The following ME2 variants were observed in gnomAD, a reference collection of about 807,000 sequenced individuals.
ME2 encodes malic enzyme 2.
A neutral mutation model predicts 73.7 loss-of-function variants in ME2; 60 were observed. The ratio of observed to expected loss-of-function variants is 0.81; its 90% confidence interval spans 0.66 to 1.01. The LOEUF is 1.01. Ranked by LOEUF, ME2 falls within the 50% of genes least tolerant of loss-of-function variation. The pLI, the probability that ME2 is intolerant of heterozygous loss-of-function variation, is 0.00. For synonymous variants in ME2, 199 were observed against 236.9 expected (o/e 0.84, Z 1.47); for missense variants, 594 against 705.5 (o/e 0.84, Z 1.79).
intron 1 of ME2, among the ~76,000 whole-genome samples, chr18:50,895,067 A>G (rs1487358476): frequency 2.6e-5 from 4 of 152,066 alleles, no homozygotes; most frequent in Non-Finnish European, 4.4e-5. Context: ...AATAATTACA[A>G]TGATTTGTAA....
chr18:50,931,533 T>C (rs759124246), intron 12 of ME2, among the ~76,000 whole-genome samples: 3 of 152,200 alleles, frequency 2.0e-5, no homozygotes, highest in Non-Finnish European at 2.9e-5. Flanking sequence ...TATAAAGCAC[T>C]TGGTAATTAG....
chr18:50,940,413 ATT>A (rs770358045), intron 15 of ME2, 27 bp downstream of exon 15: 2 of 1,293,134 alleles, frequency 1.5e-6, no homozygotes, highest in Admixed American at 4.1e-5. Context: ...ACTTCTTCAC[ATT>A]AATTTTAATG....
intron 3 of ME2, among the ~76,000 whole-genome samples, chr18:50,910,192 G>A (rs1599102404): frequency 6.7e-6 from 1 of 148,798 alleles, no homozygotes; most frequent in East Asian, 2.0e-4. Flanking sequence ...AGCATTTTGG[G>A]AGGTCAAGGT....
chr18:50,896,848 C>T (rs1916758244), intron 2 of ME2, among the ~76,000 whole-genome samples: 1 of 152,150 alleles, frequency 6.6e-6, no homozygotes. Flanking sequence ...ACACAGAGCA[C>T]CTCACCTTTG....
chr18:50,921,316 CTCTTTTCAACAGA>C, intron 10 of ME2, 129 bp downstream of exon 10: 1 of 516,762 alleles, frequency 1.9e-6, no homozygotes, highest in Non-Finnish European at 3.4e-6. Context: ...ACCTTCCACT[CTCTTTTCAACAGA>C]TGTCCCTAGT....
chr18:50,922,837 G>A (rs923094883), intron 10 of ME2, among the ~76,000 whole-genome samples: 1 of 152,072 alleles, frequency 6.6e-6, no homozygotes, highest in Non-Finnish European at 1.5e-5. Flanking sequence ...GCTCAGCCTG[G>A]TTTTCTCAGC....
chr18:50,930,160 T>C (rs1300735946), intron 12 of ME2, among the ~76,000 whole-genome samples: 3 of 152,118 alleles, frequency 2.0e-5, no homozygotes, highest in South Asian at 4.2e-4. Context: ...CTTGGGAGGC[T>C]GAGGTGGGAG....
intron 2 of ME2, among the ~76,000 whole-genome samples, chr18:50,896,545 C>T (rs541510319): frequency 9.2e-5 from 14 of 152,254 alleles, no homozygotes; most frequent in Admixed American, 2.6e-4. Context: ...GGACAAGTGC[C>T]TGCCTGTTTT....
rs758910783 is a variant in ME2, at chr18:50,921,120, A to G, written c.989A>G (p.Asn330Ser). 1 of 1,603,624 alleles carries G rather than the reference A, an allele frequency of 6.2e-7. No individual in the cohort carries two copies. Among genetic ancestry groups the G allele is most frequent in the Non-Finnish European group, 8.5e-7 (1 of 1,175,514 alleles). The stretch of plus-strand genomic sequence containing the variant: ...CTTATAGTTATGTCTATGGTAGAAA[A>G]TGGCCTGTCAGAACAAGAGGCACAA... ...ANLIVMSMVE[N>S]GLSEQEAQKK... The change falls in exon 10 of 16, where the codon AAT becomes AGT. Residue 330 changes from asparagine (N) to serine (S), a missense_variant. Transcript: ENST00000321341.
intron 12 of ME2, among the ~76,000 whole-genome samples, chr18:50,926,409 CTT>C (rs1231827951): frequency 4.6e-5 from 7 of 152,062 alleles, no homozygotes; most frequent in Non-Finnish European, 7.4e-5. Context: ...TGTTTTCTGA[CTT>C]TTGTTTTCTT....
At chr18:50,910,298 G>T (rs1255480322) in intron 3 of ME2, among the ~76,000 whole-genome samples, 1 of 143,580 alleles carries the variant, frequency 7.0e-6, no homozygotes, top group Non-Finnish European at 1.5e-5. Context: ...AAAAAGCCAG[G>T]CATGGTGTCG....
chr18:50,921,335 C>A, intron 10 of ME2, 148 bp downstream of exon 10: 1 of 506,588 alleles, frequency 2.0e-6, no homozygotes, highest in Non-Finnish European at 3.4e-6. Context: ...ACAGATGTCC[C>A]TAGTCTTGTT....
chr18:50,939,851 A>G (rs1917906158), intron 14 of ME2: 2 of 520,592 alleles, frequency 3.8e-6, no homozygotes, highest in Non-Finnish European at 6.9e-6. Flanking sequence ...TCTCGTTTTA[A>G]TAACACTTAG....
intron 9 of ME2, 87 bp downstream of exon 9, chr18:50,920,845 C>T: frequency 1.0e-6 from 1 of 994,994 alleles, no homozygotes; most frequent in Non-Finnish European, 1.5e-6. Context: ...TATGAAAGAG[C>T]ATAGTGAGCC....
At chr18:50,941,237 G>A (rs1420561479) in intron 15 of ME2, among the ~76,000 whole-genome samples, 1 of 130,154 alleles carries the variant, frequency 7.7e-6, no homozygotes, top group Admixed American at 8.3e-5. Flanking sequence ...CTCCAGCCTG[G>A]GCCACAAGAG....
At chr18:50,932,203 A>G in intron 12 of ME2, 55 bp from the exon 13 acceptor site, 1 of 1,483,218 alleles carries the variant, frequency 6.7e-7, no homozygotes. Flanking sequence ...AATTCACCTC[A>G]ATTTTCTCAT....
At chr18:50,926,908 C>G (rs1316059009) in intron 12 of ME2, among the ~76,000 whole-genome samples, 1 of 152,180 alleles carries the variant, frequency 6.6e-6, no homozygotes, top group African/African-American at 2.4e-5. Context: ...TCTCTAAATA[C>G]TGCTTTCTTG....
chr18:50,914,904 T>TC (rs1242663892), intron 4 of ME2, among the ~76,000 whole-genome samples: 1 of 152,206 alleles, frequency 6.6e-6, no homozygotes, highest in Non-Finnish European at 1.5e-5. Flanking sequence ...GGATTGATTA[T>TC]CTGAATTAGG....
intron 1 of ME2, among the ~76,000 whole-genome samples, chr18:50,894,969 AT>A (rs1390393684): frequency 2.0e-5 from 3 of 151,892 alleles, no homozygotes; most frequent in African/African-American, 7.2e-5. Flanking sequence ...AAAAAAAAAA[AT>A]CCTTATGTAA....
Sources: allele counts gnomAD v4.1 joint callset (sites outside exome capture counted in the v4.1 genomes callset), GRCh38; gene constraint gnomAD v4.1.1; transcripts MANE v1.5; gene names NCBI Gene and HGNC (gene_info 2026-07-23, HGNC 2026-07-21).